IFIH1: variants seen among roughly 807,000 people sequenced by gnomAD.
The protein encoded by IFIH1 is interferon-induced helicase C domain-containing protein 1.
In IFIH1, 125 loss-of-function variants were observed where a neutral mutation model predicts 107.4. The ratio of observed to expected loss-of-function variants is 1.16; its 90% confidence interval spans 1.01 to 1.35. The LOEUF is 1.35. IFIH1 is among the 40% of genes most tolerant of loss of function. The pLI is 0.00. For missense variants in IFIH1, 1,333 were observed against 1,213.7 expected (o/e 1.10, Z -1.46); for synonymous variants, 458 against 413.2 (o/e 1.11, Z -1.31).
Position 162,288,232 on chromosome 2 carries a change from C to G in IFIH1, c.998G>C (p.Ser333Thr). 6.2e-7 allele frequency: 1 copy of G among 1,612,790 alleles called. No homozygotes were observed. Among genetic ancestry groups the G allele is most frequent in the Non-Finnish European group, 8.5e-7 (1 of 1,179,206 alleles). ...KNIIICLPTG[S>T]GKTRVAVYIA... ...GTAAACAGCCACTCTGGTTTTTCCA[C>G]TCCCTGTAGGGAGGCAGATGATGAT... Residue 333 changes from serine to threonine, a missense_variant, in exon 5 of 16, where the codon AGT becomes ACT. Coordinates refer to ENST00000649979, the MANE Select transcript of IFIH1 (RefSeq NM_022168.4).
At chr2:162,277,941 T>C (rs1682733551) in intron 9 of IFIH1, among the ~76,000 whole-genome samples, 1 of 152,146 alleles carries the variant, frequency 6.6e-6, no homozygotes, top group Non-Finnish European at 1.5e-5. Flanking sequence ...CATGAAAATA[T>C]ATTAGTTGAG....
At position 162,318,320 on chromosome 2, in the gene IFIH1, G is replaced by C. The variant is rs773435336; in HGVS notation, c.-13C>G. 3 of 1,602,638 alleles carry C rather than the reference G, an allele frequency of 1.9e-6. No individual in the cohort carries two copies. Among genetic ancestry groups the C allele is most frequent in the African/African-American group, 2.7e-5 (2 of 74,850 alleles). On this transcript the variant is annotated 5_prime_UTR_variant, in exon 1 of 16. Coordinates refer to ENST00000649979, the MANE Select transcript of IFIH1 (RefSeq NM_022168.4). Reference sequence around the variant, plus strand: ...ACCCATTCGACATCTTTCTTTCTCAGAGAAGGGAGAGGGTTCTCCCAAGCA... The same window carrying C: ...ACCCATTCGACATCTTTCTTTCTCACAGAAGGGAGAGGGTTCTCCCAAGCA...
intron 2 of IFIH1, among the ~76,000 whole-genome samples, chr2:162,309,286 T>G (rs1215603182): frequency 6.6e-6 from 1 of 152,186 alleles, no homozygotes; most frequent in East Asian, 1.9e-4. Context: ...TGAGGATAGC[T>G]CTGCTTCTGA....
chr2:162,279,196 C>T (rs551592062), intron 8 of IFIH1, among the ~76,000 whole-genome samples: 2 of 152,026 alleles, frequency 1.3e-5, no homozygotes, highest in African/African-American at 2.4e-5. Flanking sequence ...TTCAACTGTG[C>T]TAGTGCAGCT....
In IFIH1 at chr2:162,277,304, G is replaced by A. The variant is rs1208647145; in HGVS notation, c.2044+111C>T. 20 of 762,440 alleles carry A rather than the reference G, an allele frequency of 2.6e-5. No homozygotes were observed. In the South Asian group the frequency reaches 3.8e-4, roughly 14 times the overall value. 47.2% of individuals were successfully genotyped at this position (762,440 alleles called of 1,614,324 possible). A position where few individuals can be genotyped will look rare whatever the true frequency, so the allele number is the denominator to read the frequency against. ...ATTAGAAATAGTTCCAATCTGAGTG[G>A]GATTTCTTCTTTCAAAAGATATTTC... On this transcript the variant is annotated intron_variant, in intron 10 of 15. Coordinates refer to ENST00000649979, the MANE Select transcript of IFIH1 (RefSeq NM_022168.4).
chr2:162,271,247 G>T (rs1302579189), intron 13 of IFIH1, among the ~76,000 whole-genome samples: 1 of 152,086 alleles, frequency 6.6e-6, no homozygotes, highest in Non-Finnish European at 1.5e-5. Context: ...CAACCACCCA[G>T]TTGAAAGTAT....
At chr2:162,305,200 G>A (rs1683260074) in intron 3 of IFIH1, among the ~76,000 whole-genome samples, 1 of 152,128 alleles carries the variant, frequency 6.6e-6, no homozygotes, top group Non-Finnish European at 1.5e-5. Flanking sequence ...CCACATTCTG[G>A]GAATATTGGT....
At chr2:162,285,916 TTTC>T (rs1346399632) in intron 5 of IFIH1, among the ~76,000 whole-genome samples, 1 of 151,948 alleles carries the variant, frequency 6.6e-6, no homozygotes. Flanking sequence ...TTTAAGAGAT[TTTC>T]AAATAAAAAG....
chr2:162,314,648 CA>C (rs1179905177), intron 1 of IFIH1, among the ~76,000 whole-genome samples: 3 of 151,706 alleles, frequency 2.0e-5, no homozygotes, highest in Non-Finnish European at 4.4e-5. Flanking sequence ...CCACCACACC[CA>C]GCTAATTTTT....
intron 5 of IFIH1, among the ~76,000 whole-genome samples, chr2:162,284,524 A>G (rs563724338): frequency 7.6e-4 from 116 of 151,998 alleles, no homozygotes; most frequent in Non-Finnish European, 1.5e-3. Context: ...TTCTAGAAGG[A>G]GGGTGCAGTG....
At chr2:162,315,626 G>A (rs940836461) in intron 1 of IFIH1, among the ~76,000 whole-genome samples, 2 of 152,170 alleles carry the variant, frequency 1.3e-5, no homozygotes, top group African/African-American at 4.8e-5. Context: ...ACAGGTAAAT[G>A]TAGCATCAGG....
chr2:162,286,547 C>G (rs906302665), intron 5 of IFIH1, among the ~76,000 whole-genome samples: 4 of 151,900 alleles, frequency 2.6e-5, no homozygotes, highest in Non-Finnish European at 5.9e-5. Flanking sequence ...TGAATTAAAA[C>G]TAACTCCTAG....
Position 162,280,047 on chromosome 2 carries a change from G to GT in IFIH1, c.1589dup (p.Asn530LysfsTer22). 6.2e-7 allele frequency: 1 copy of GT among 1,611,522 alleles called. No individual in the cohort carries two copies. Among genetic ancestry groups the GT allele is most frequent in the African/African-American group, 1.3e-5 (1 of 74,886 alleles). ...ACTTCTTGCATGGCTCCTGTATTTG[G>GT]TTTTTCAGTTGATCAAGGTTTTCTT... On this transcript the variant is annotated frameshift_variant, in exon 8 of 16. Coordinates refer to ENST00000649979, the MANE Select transcript of IFIH1 (RefSeq NM_022168.4). LOFTEE classifies it high-confidence loss of function.
Position 162,294,143 on chromosome 2 carries a change from C to T in IFIH1, c.770-475G>A, listed in dbSNP as rs542689724. 9.0e-4 allele frequency among the ~76,000 whole-genome samples: 136 copies of T among 151,932 alleles called. 1 individual carries two copies. Among genetic ancestry groups the T allele is most frequent in the South Asian group, 2.7e-3 (13 of 4,816 alleles). ...ATGAAAATGATAGTTTGGTGATAAA[C>T]ATAGATGTAAAATCTCAAAGAGAAT... On this transcript the variant is annotated intron_variant, in intron 3 of 15. Coordinates refer to ENST00000649979, the MANE Select transcript of IFIH1 (RefSeq NM_022168.4).
chr2:162,270,215 G>C (rs1691008414), intron 13 of IFIH1, among the ~76,000 whole-genome samples: 1 of 152,138 alleles, frequency 6.6e-6, no homozygotes, highest in African/African-American at 2.4e-5. Context: ...TCCAAATAAA[G>C]TGTAATAATG....
chr2:162,286,701 T>C (rs1232890399), intron 5 of IFIH1, among the ~76,000 whole-genome samples: 1 of 151,944 alleles, frequency 6.6e-6, no homozygotes, highest in Non-Finnish European at 1.5e-5. Flanking sequence ...ATTATCAGTT[T>C]AAGTAGCTTT....
At chr2:162,306,188 G>A (rs1471424520) in intron 3 of IFIH1, among the ~76,000 whole-genome samples, 1 of 152,154 alleles carries the variant, frequency 6.6e-6, no homozygotes, top group African/African-American at 2.4e-5. Context: ...TCAAAAAGGT[G>A]GACATGGTAG....
In IFIH1 at chr2:162,277,607, GA is replaced by G; in HGVS notation, c.1851del (p.Arg618GlufsTer2). The stretch of plus-strand genomic sequence containing the variant: ...AGATGAGTATACGCATCTATCATTC[GA>G]ATTGTGTCATTAATTTGTAGGGCCT... ...YNEALQINDT[I>X]RMIDAYTHLE... is the part of the protein sequence containing the mutation. On this transcript the variant is annotated frameshift_variant, in exon 10 of 16. Transcript: ENST00000649979. LOFTEE classifies it high-confidence loss of function. 1 of 1,613,006 alleles carries G rather than the reference GA, an allele frequency of 6.2e-7. No individual in the cohort carries two copies. Among genetic ancestry groups the G allele is most frequent in the African/African-American group, 1.3e-5 (1 of 74,944 alleles).
At chr2:162,271,068 T>G (rs963601285) in intron 13 of IFIH1, among the ~76,000 whole-genome samples, 1 of 152,194 alleles carries the variant, frequency 6.6e-6, no homozygotes, top group African/African-American at 2.4e-5. Flanking sequence ...TTCAGTGGTA[T>G]GGGGGATTTC....
Sources: allele counts gnomAD v4.1 joint callset (sites outside exome capture counted in the v4.1 genomes callset), GRCh38; gene constraint gnomAD v4.1.1; transcripts MANE v1.5; gene names NCBI Gene and HGNC (gene_info 2026-07-23, HGNC 2026-07-21).